Variants in GSR observed in about 807,000 individuals in gnomAD.
GSR encodes glutathione-disulfide reductase.
GSR carries 48 observed loss-of-function variants against 56.5 expected under a neutral mutation model. The observed-to-expected ratio is 0.85, with a 90% CI of 0.67 to 1.08. The LOEUF (loss-of-function observed/expected upper bound fraction) is 1.08. Ranked by LOEUF, GSR falls within the 50% of genes least tolerant of loss-of-function variation. The pLI is 0.00. For synonymous variants in GSR, 264 were observed against 270.8 expected (o/e 0.97, Z 0.25); for missense variants, 694 against 703.3 (o/e 0.99, Z 0.15).
At chr8:30,693,719 G>T (rs948661987) in intron 7 of GSR, among the ~76,000 whole-genome samples, 1 of 152,092 alleles carries the variant, frequency 6.6e-6, no homozygotes, top group African/African-American at 2.4e-5. Context: ...AGTAGAGACG[G>T]GGTTTCGCCA....
intron 8 of GSR, 140 bp from the exon 9 acceptor site, chr8:30,689,459 A>G: frequency 2.6e-6 from 2 of 766,178 alleles, no homozygotes. Flanking sequence ...GATAGACATA[A>G]ACTTTTACCC....
intron 1 of GSR, among the ~76,000 whole-genome samples, chr8:30,719,412 G>A (rs1387461253): frequency 6.6e-6 from 1 of 151,688 alleles, no homozygotes; most frequent in East Asian, 1.9e-4. Context: ...CACCGCGCCT[G>A]GCCAATTTTT....
intron 2 of GSR, among the ~76,000 whole-genome samples, chr8:30,710,170 G>C (rs927344362): frequency 3.3e-5 from 5 of 151,744 alleles, no homozygotes; most frequent in Admixed American, 3.3e-4. Context: ...ACAAAAATTA[G>C]CTGGGTATGG....
intron 3 of GSR, among the ~76,000 whole-genome samples, chr8:30,708,752 C>T (rs1031697952): frequency 3.3e-5 from 5 of 150,948 alleles, no homozygotes; most frequent in Non-Finnish European, 7.4e-5. Context: ...GTCAGAAGAT[C>T]GAGATCATTC....
intron 1 of GSR, among the ~76,000 whole-genome samples, chr8:30,713,505 C>T (rs1175645071): frequency 6.6e-6 from 1 of 151,382 alleles, no homozygotes; most frequent in Non-Finnish European, 1.5e-5. Flanking sequence ...ATTACAGGCG[C>T]CTGCCATCCT....
chr8:30,724,737 T>C (rs1459878271), intron 1 of GSR, among the ~76,000 whole-genome samples: 3 of 152,120 alleles, frequency 2.0e-5, no homozygotes, highest in South Asian at 4.1e-4. Context: ...AGTTTCACCG[T>C]GTTGGCCAGG....
Position 30,681,978 on chromosome 8 carries a change from T to C in GSR, c.1237A>G (p.Thr413Ala), listed in dbSNP as rs1458201336. The change falls in exon 11 of 13, where the codon ACT becomes GCT. Residue 413 changes from threonine (T) to alanine (A), a missense_variant. Physicochemically the swap from Thr to Ala is moderately conservative, Grantham distance 58 (BLOSUM62 0). Coordinates refer to ENST00000221130, the MANE Select transcript of GSR (RefSeq NM_000637.5). The stretch of plus-strand genomic sequence containing the variant: ...ATAGGGGGGTGGCTGAAGACCACAG[T>C]TGGGATGTTGTTATAATCTAATTTG... ...DSKLDYNNIP[T>A]VVFSHPPIGT... is the part of the protein sequence containing the mutation. 5 of 1,613,360 alleles carry C rather than the reference T, an allele frequency of 3.1e-6. No homozygotes were observed. Among genetic ancestry groups the C allele is most frequent in the Non-Finnish European group, 3.4e-6 (4 of 1,179,290 alleles).
intron 1 of GSR, among the ~76,000 whole-genome samples, chr8:30,721,398 C>G (rs1205953356): frequency 6.6e-6 from 1 of 152,210 alleles, no homozygotes; most frequent in Admixed American, 6.5e-5. Context: ...GGCCTGTAAT[C>G]CCAGCACTTT....
intron 1 of GSR, among the ~76,000 whole-genome samples, chr8:30,722,351 C>T (rs1038914448): frequency 2.0e-5 from 3 of 152,166 alleles, no homozygotes; most frequent in South Asian, 2.1e-4. Context: ...CCTTCTATTT[C>T]GGAGGGCTAT....
At chr8:30,710,894 AT>A (rs943407642) in intron 2 of GSR, among the ~76,000 whole-genome samples, 3 of 152,006 alleles carry the variant, frequency 2.0e-5, no homozygotes, top group African/African-American at 7.2e-5. Context: ...TTAAAAAAAA[AT>A]AAACTTGTAC....
chr8:30,708,686 G>C (rs988954299), intron 3 of GSR, among the ~76,000 whole-genome samples: 2 of 152,178 alleles, frequency 1.3e-5, no homozygotes, highest in Non-Finnish European at 2.9e-5. Context: ...GCCGGGCGCG[G>C]TGGCTCACGC....
chr8:30,692,196 CTTTTTTTTTTTTTTTTTTTT>C (rs71206279), intron 8 of GSR, among the ~76,000 whole-genome samples: 1 of 76,412 alleles, frequency 1.3e-5, no homozygotes, highest in African/African-American at 5.0e-5. Flanking sequence ...TAAAATACAG[CTTTTTTTTTTTTTTTTTTTT>C]TTTTTGAGAT....
chr8:30,681,413 C>A (rs1802952742), intron 11 of GSR, among the ~76,000 whole-genome samples: 1 of 151,992 alleles, frequency 6.6e-6, no homozygotes, highest in Non-Finnish European at 1.5e-5. Flanking sequence ...GTAGTCCCAG[C>A]TATTCGGGAG....
chr8:30,692,495 C>T (rs1389244598), intron 8 of GSR, among the ~76,000 whole-genome samples: 24 of 59,076 alleles, frequency 4.1e-4, no homozygotes, highest in Middle Eastern at 0.026. Context: ...CACACCCAGA[C>T]TTTTTTTTTT....
chr8:30,700,219 A>C, intron 5 of GSR, 84 bp from the exon 6 acceptor site: 2 of 968,308 alleles, frequency 2.1e-6, no homozygotes, highest in Non-Finnish European at 3.4e-6. Context: ...CAAAAACCAA[A>C]CACTTTCACA....
intron 2 of GSR, 82 bp downstream of exon 2, chr8:30,711,980 C>T (rs1270305813): frequency 3.1e-5 from 25 of 815,596 alleles, no homozygotes; most frequent in Non-Finnish European, 4.8e-5. Context: ...TTTAACTGAT[C>T]TATTTGGAAA....
intron 1 of GSR, among the ~76,000 whole-genome samples, chr8:30,715,226 A>T (rs1194792786): frequency 6.6e-6 from 1 of 152,074 alleles, no homozygotes; most frequent in Admixed American, 6.6e-5. Flanking sequence ...CCAGGAGTTG[A>T]AGGCTACAAT....
rs1198720074 is a variant in GSR, at chr8:30,682,056, T to C, written c.1159A>G (p.Ile387Val). The C allele has an allele frequency of 3.1e-6, 5 of 1,612,488 alleles. No individual in the cohort carries two copies. Among genetic ancestry groups the C allele is most frequent in the East Asian group, 2.2e-5 (1 of 44,868 alleles). ...CGKALLTPVAIAAGRKLAHRL... is the reference protein window; with the variant it reads ...CGKALLTPVAVAAGRKLAHRL... ...TGGGCAAGTTTTCGGCCAGCAGCTA[T>C]TGCAACTATGGAGATATTTTAAAAT... The change falls in exon 11 of 13, where the codon ATA becomes GTA. Residue 387 changes from isoleucine to valine, a missense_variant. Physicochemically the swap from Ile to Val is conservative, Grantham distance 29 (BLOSUM62 3). Coordinates refer to ENST00000221130, the MANE Select transcript of GSR (RefSeq NM_000637.5).
rs1463567918 is a variant in GSR at position 30,679,135 on chromosome 8, G to A, written c.*385C>T. ...CCGCACTCCAGCCTGGGCAATGAGA[G>A]CAAAACTCTGTCTCAAAAAAAAAAA... On this transcript the variant is annotated 3_prime_UTR_variant, in exon 13 of 13. Coordinates refer to ENST00000221130, the MANE Select transcript of GSR (RefSeq NM_000637.5). 1 of 185,842 alleles carries A rather than the reference G, an allele frequency of 5.4e-6. No homozygotes were observed. The highest frequency in any genetic ancestry group is 2.8e-5 in the African/African-American group (1 of 35,262). 11.5% of individuals were successfully genotyped at this position (185,842 alleles called of 1,614,324 possible). A position where few individuals can be genotyped will look rare whatever the true frequency, so the allele number is the denominator to read the frequency against.
Sources: allele counts gnomAD v4.1 joint callset (sites outside exome capture counted in the v4.1 genomes callset), GRCh38; gene constraint gnomAD v4.1.1; transcripts MANE v1.5; gene names NCBI Gene and HGNC (gene_info 2026-07-23, HGNC 2026-07-21).